PCDH15: variants seen among roughly 807,000 people sequenced by gnomAD.
PCDH15 encodes protocadherin-15.
PCDH15 carries 129 observed loss-of-function variants against 178.5 expected under a neutral mutation model. The observed-to-expected ratio is 0.72, with a 90% CI of 0.63 to 0.84. The LOEUF (loss-of-function observed/expected upper bound fraction) is 0.84, where lower values mean the gene tolerates loss of function less well. Among genes scored for constraint, PCDH15 ranks in the 40% least tolerant of loss-of-function variants. The probability of loss-of-function intolerance (pLI) is 0.00; values close to 1 mark genes in which losing one functional copy is unlikely to be tolerated. For missense variants in PCDH15, 2,230 were observed against 2,099.9 expected (o/e 1.06, Z -1.21); for synonymous variants, 800 against 732.0 (o/e 1.09, Z -1.50).
intron 3 of PCDH15, among the ~76,000 whole-genome samples, chr10:54,438,060 G>C (rs1335157494): frequency 6.6e-6 from 1 of 151,970 alleles, no homozygotes; most frequent in Admixed American, 6.6e-5. Context: ...GTTTTAAAAA[G>C]GTCTAGTTGC....
intron 3 of PCDH15, among the ~76,000 whole-genome samples, chr10:54,850,341 G>A (rs1224771700): frequency 6.6e-6 from 1 of 151,910 alleles, no homozygotes; most frequent in African/African-American, 2.4e-5. Flanking sequence ...TTTGTTACAC[G>A]AGTAAGTTTC....
At chr10:54,845,179 T>C (rs1400516834) in intron 3 of PCDH15, among the ~76,000 whole-genome samples, 1 of 151,952 alleles carries the variant, frequency 6.6e-6, no homozygotes, top group African/African-American at 2.4e-5. Flanking sequence ...GAATGTTCAT[T>C]ATGTTAATTT....
intron 2 of PCDH15, among the ~76,000 whole-genome samples, chr10:55,370,302 C>T (rs1057065511): frequency 2.0e-5 from 3 of 152,038 alleles, no homozygotes; most frequent in Admixed American, 2.0e-4. Context: ...ACCAGATTGG[C>T]TTTTAAATGA....
intron 2 of PCDH15, among the ~76,000 whole-genome samples, chr10:55,489,218 A>G (rs1332155027): frequency 1.3e-5 from 2 of 151,570 alleles, no homozygotes; most frequent in East Asian, 3.9e-4. Context: ...TCAATGCATT[A>G]CCTATCTTTC....
chr10:54,215,438 A>C (rs1238369840), intron 9 of PCDH15, among the ~76,000 whole-genome samples: 2 of 152,204 alleles, frequency 1.3e-5, no homozygotes, highest in Non-Finnish European at 2.9e-5. Context: ...TATGATAAAG[A>C]AGTTATCCCT....
chr10:54,029,634 A>G (rs1005539055), intron 18 of PCDH15, among the ~76,000 whole-genome samples: 1 of 152,192 alleles, frequency 6.6e-6, no homozygotes, highest in Non-Finnish European at 1.5e-5. Context: ...CCAAGTAATT[A>G]CTTAAGAAAA....
chr10:54,223,321 A>AG (rs1388713913), intron 9 of PCDH15, among the ~76,000 whole-genome samples: 1,431 of 124,338 alleles, frequency 0.012, 30 homozygotes, highest in African/African-American at 0.036. Context: ...AAAAAAAAAA[A>AG]AAAGAGAAAT....
At chr10:54,530,515 T>C (rs2083797349) in intron 2 of PCDH15, among the ~76,000 whole-genome samples, 1 of 152,196 alleles carries the variant, frequency 6.6e-6, no homozygotes, top group African/African-American at 2.4e-5. Flanking sequence ...AACATGATAC[T>C]GGTCCTGAAA....
At chr10:55,033,277 C>T (rs945908316) in intron 2 of PCDH15, among the ~76,000 whole-genome samples, 4 of 152,088 alleles carry the variant, frequency 2.6e-5, no homozygotes, top group African/African-American at 7.2e-5. Flanking sequence ...GCAGCAGGGC[C>T]GCTCGAGAGG....
At chr10:55,197,805 CCCA>C (rs1328431022) in intron 1 of PCDH15, among the ~76,000 whole-genome samples, 1 of 151,980 alleles carries the variant, frequency 6.6e-6, no homozygotes, top group Non-Finnish European at 1.5e-5. Flanking sequence ...ATAATACATT[CCCA>C]TTATGCATCT....
chr10:53,810,832 C>T (rs1438770604), intron 36 of PCDH15, among the ~76,000 whole-genome samples, 168 bp from the exon 37 acceptor site: 1 of 152,126 alleles, frequency 6.6e-6, no homozygotes, highest in East Asian at 1.9e-4. Context: ...GTAAGAACTG[C>T]TACCTGATGA....
chr10:54,252,111 G>C (rs2056528483), intron 8 of PCDH15, among the ~76,000 whole-genome samples: 2 of 152,028 alleles, frequency 1.3e-5, no homozygotes, highest in African/African-American at 4.8e-5. Context: ...GTGGTGGAGA[G>C]GTAGAAATCT....
At chr10:54,780,915 A>C (rs1950295916) in intron 1 of PCDH15, among the ~76,000 whole-genome samples, 1 of 152,082 alleles carries the variant, frequency 6.6e-6, no homozygotes, top group Admixed American at 6.6e-5. Flanking sequence ...TAAAATGTAA[A>C]GCTCCTTAGA....
chr10:53,949,573 A>T (rs1464334301), intron 23 of PCDH15, among the ~76,000 whole-genome samples: 1 of 151,872 alleles, frequency 6.6e-6, no homozygotes, highest in Non-Finnish European at 1.5e-5. Context: ...TCACTACAAA[A>T]TAATTAAAAA....
At chr10:53,810,440 C>A in intron 37 of PCDH15, 116 bp downstream of exon 37, 1 of 849,928 alleles carries the variant, frequency 1.2e-6, no homozygotes, top group South Asian at 1.5e-5. Flanking sequence ...ATGGGAAATA[C>A]GTACTAAGTG....
chr10:55,106,695 G>A (rs1842680906), intron 2 of PCDH15, among the ~76,000 whole-genome samples: 1 of 152,086 alleles, frequency 6.6e-6, no homozygotes, highest in Non-Finnish European at 1.5e-5. Flanking sequence ...GGATATTACA[G>A]GCATGAGCAA....
chr10:55,137,123 A>ATTTTTTTTTTTTTTTTTTTTTTT (rs1838215815), intron 2 of PCDH15, among the ~76,000 whole-genome samples: 1 of 152,120 alleles, frequency 6.6e-6, no homozygotes, highest in African/African-American at 2.4e-5. Context: ...ATCTAAAAAC[A>ATTTTTTTTTTTTTTTTTTTTTTT]TTTTTATAGA....
intron 25 of PCDH15, among the ~76,000 whole-genome samples, chr10:53,908,781 A>G (rs1219404987): frequency 3.3e-5 from 5 of 152,210 alleles, no homozygotes; most frequent in Non-Finnish European, 1.5e-5. Context: ...GATTTTTAAA[A>G]TTGTTATCAT....
At chr10:55,480,198 T>C (rs1188798918) in intron 2 of PCDH15, among the ~76,000 whole-genome samples, 1 of 151,530 alleles carries the variant, frequency 6.6e-6, no homozygotes, top group African/African-American at 2.4e-5. Flanking sequence ...CAGTTCTACT[T>C]GTAGAACTTA....
Sources: gnomAD v4.1 joint callset for allele counts (sites outside exome capture counted in the v4.1 genomes callset) on GRCh38, gnomAD v4.1.1 for gene constraint, MANE v1.5 for transcripts, NCBI Gene and HGNC (gene_info 2026-07-23, HGNC 2026-07-21) for gene names.